PCBP3: variants seen among roughly 807,000 people sequenced by gnomAD.
The protein encoded by PCBP3 is poly(rC)-binding protein 3.
A neutral mutation model predicts 52.7 loss-of-function variants in PCBP3; 25 were observed. The ratio of observed to expected loss-of-function variants is 0.47; its 90% CI spans 0.35 to 0.66. PCBP3 has a LOEUF of 0.66. Among genes scored for constraint, PCBP3 ranks in the 30% least tolerant of loss-of-function variants. The pLI, the probability that PCBP3 is intolerant of heterozygous loss-of-function variation, is 0.01. For synonymous variants in PCBP3, 162 were observed against 183.0 expected, an observed-to-expected ratio of 0.89 and a Z score of 0.93; for missense variants, 391 against 490.3, an observed-to-expected ratio of 0.80 and a Z score of 1.91.
rs552645785 is a variant in PCBP3 at position 45,917,357 on chromosome 21, C to G, written c.676-231C>G. 1 of 404,456 alleles carries G rather than the reference C, an allele frequency of 2.5e-6. No individual in the cohort carries two copies. Among genetic ancestry groups the G allele is most frequent in the East Asian group, 4.3e-5 (1 of 23,186 alleles). 25.1% of individuals were successfully genotyped at this position (404,456 alleles called of 1,614,324 possible). On this transcript the variant is annotated intron_variant, in intron 12 of 17. Coordinates refer to ENST00000681687, the MANE Select transcript of PCBP3 (RefSeq NM_001384156.1). This position sits in a 1 kb window ranked among gnomAD's most constrained non-coding sequence, Gnocchi z 5.3. ...AAGGCTGAACTGTTTCCCTCCCACC[C>G]GCTGAACTGGCCAGCTCAGCTCTGC...
chr21:45,650,851 C>T (rs2079631048), intron 1 of PCBP3, among the ~76,000 whole-genome samples: 1 of 151,922 alleles, frequency 6.6e-6, no homozygotes, highest in Admixed American at 6.6e-5. Flanking sequence ...GGAAGGGTCG[C>T]TAGTCCATTC....
At chr21:45,913,919 G>C in intron 11 of PCBP3, 32 bp from the exon 12 acceptor site, 1 of 1,587,418 alleles carries the variant, frequency 6.3e-7, no homozygotes, top group Non-Finnish European at 8.6e-7. Context: ...CTGCTCTAAC[G>C]CTCTCTCTCC....
intron 4 of PCBP3, among the ~76,000 whole-genome samples, chr21:45,801,398 G>A (rs1228729342): frequency 1.3e-5 from 2 of 152,248 alleles, no homozygotes; most frequent in Non-Finnish European, 2.9e-5. Flanking sequence ...GGGCCCCTGG[G>A]TGCACAAGGA....
At chr21:45,764,120 T>TC (rs1491121075) in intron 4 of PCBP3, among the ~76,000 whole-genome samples, 230 of 121,654 alleles carry the variant, frequency 1.9e-3, no homozygotes, top group African/African-American at 5.7e-3. Flanking sequence ...TTTTTTTTTC[T>TC]TTTTTTTTTT....
At chr21:45,813,603 G>A (rs755425551) in intron 4 of PCBP3, among the ~76,000 whole-genome samples, 30 of 152,092 alleles carry the variant, frequency 2.0e-4, no homozygotes, top group Non-Finnish European at 3.4e-4. Flanking sequence ...CACAACGCCC[G>A]GCTATTTTTT....
chr21:45,771,538 G>A (rs571064221), intron 4 of PCBP3, among the ~76,000 whole-genome samples: 8 of 152,290 alleles, frequency 5.3e-5, no homozygotes, highest in African/African-American at 1.9e-4. Flanking sequence ...AGAATATGCA[G>A]TGAGATCATT....
At chr21:45,820,034 C>T (rs1473423356) in intron 4 of PCBP3, among the ~76,000 whole-genome samples, 1 of 152,262 alleles carries the variant, frequency 6.6e-6, no homozygotes, top group Admixed American at 6.5e-5. Context: ...GTTTGCTCTA[C>T]ACCGCAGGAC....
At position 45,791,330 on chromosome 21, in the gene PCBP3, G is replaced by A. The variant is rs2091546223; in HGVS notation, c.-126+35878G>A. On this transcript the variant is annotated intron_variant, in intron 4 of 17. Coordinates refer to ENST00000681687, the MANE Select transcript of PCBP3 (RefSeq NM_001384156.1). The surrounding 1 kb of genome is among the most constrained non-coding windows in gnomAD (Gnocchi z 4.2). ...GGAGCATGGCCAGCCCAGGGAGTGA[G>A]TGTGGTCACTGGTGTGTGTGGCCTG... is the stretch of plus-strand genomic sequence containing the variant. Among the ~76,000 whole-genome samples the A allele has an allele frequency of 6.6e-6, 1 of 152,222 alleles. No homozygotes were observed. The highest frequency in any genetic ancestry group is 2.1e-4 in the South Asian group (1 of 4,824).
chr21:45,893,697 G>A (rs1008975502), intron 5 of PCBP3: 165 of 963,766 alleles, frequency 1.7e-4, no homozygotes, highest in Non-Finnish European at 2.0e-4. Flanking sequence ...GGGCTAAAAT[G>A]TGCTAAATCT....
At chr21:45,896,703 C>G (rs1191210457) in intron 6 of PCBP3, among the ~76,000 whole-genome samples, 1 of 139,128 alleles carries the variant, frequency 7.2e-6, no homozygotes, top group African/African-American at 2.5e-5. Flanking sequence ...GGCCGCGGCA[C>G]ATAGAACCAG....
chr21:45,869,011 A>AT (rs1462224925), intron 5 of PCBP3, among the ~76,000 whole-genome samples: 1 of 152,150 alleles, frequency 6.6e-6, no homozygotes, highest in East Asian at 1.9e-4. Context: ...TATTTTATGG[A>AT]TTTTACCTGT....
intron 2 of PCBP3, among the ~76,000 whole-genome samples, chr21:45,670,080 G>T (rs1197558124): frequency 6.6e-6 from 1 of 151,720 alleles, no homozygotes; most frequent in Non-Finnish European, 1.5e-5. Context: ...ATTTCTACCA[G>T]CAATGCACAA....
At chr21:45,793,674 CAGG>C (rs1358203166) in intron 4 of PCBP3, among the ~76,000 whole-genome samples, 1 of 152,192 alleles carries the variant, frequency 6.6e-6, no homozygotes, top group African/African-American at 2.4e-5. Context: ...AGGGGCTCTG[CAGG>C]AGGAGACGGG....
intron 5 of PCBP3, among the ~76,000 whole-genome samples, chr21:45,887,716 CA>C (rs1028295947): frequency 1.3e-4 from 20 of 152,352 alleles, no homozygotes; most frequent in Admixed American, 6.5e-4. Flanking sequence ...GAGATTTCTG[CA>C]AACGTAATTT....
chr21:45,899,238 A>G (rs892413975), intron 6 of PCBP3, among the ~76,000 whole-genome samples: 3 of 152,138 alleles, frequency 2.0e-5, no homozygotes, highest in African/African-American at 7.2e-5. Flanking sequence ...AGGAGGCTTT[A>G]TTTTTCACAC....
At position 45,819,968 on chromosome 21, in the gene PCBP3, C is replaced by T. The variant is rs561912192; in HGVS notation, c.-125-29993C>T. Among the ~76,000 whole-genome samples the T allele has an allele frequency of 4.9e-4, 74 of 152,244 alleles. 1 individual carries two copies. The highest frequency in any genetic ancestry group is 9.1e-4 in the Non-Finnish European group (62 of 68,038). On this transcript the variant is annotated intron_variant, in intron 4 of 17. Transcript: ENST00000681687. The stretch of plus-strand genomic sequence containing the variant: ...CCAGGGCCTGGCCACTCACTCTGCC[C>T]ATCATGCTGTCACTCCAGGCAGTTA...
At chr21:45,863,452 C>T (rs911962144) in intron 5 of PCBP3, among the ~76,000 whole-genome samples, 9 of 152,198 alleles carry the variant, frequency 5.9e-5, no homozygotes, top group Admixed American at 3.3e-4. Flanking sequence ...CCTACAGGCT[C>T]GCCGGGCTGT....
At chr21:45,882,090 T>A (rs1376398253) in intron 5 of PCBP3, among the ~76,000 whole-genome samples, 1 of 152,158 alleles carries the variant, frequency 6.6e-6, no homozygotes, top group Non-Finnish European at 1.5e-5. Context: ...CTATTTCTAG[T>A]TTTTTGAGGA....
chr21:45,648,500 C>T (rs184988912), intron 1 of PCBP3, among the ~76,000 whole-genome samples: 6 of 152,332 alleles, frequency 3.9e-5, no homozygotes, highest in Middle Eastern at 3.4e-3. Context: ...TGCCGTGTCC[C>T]ACTGGGTCAT....
Sources: gnomAD v4.1 joint callset for allele counts (sites outside exome capture counted in the v4.1 genomes callset) on GRCh38, gnomAD v4.1.1 for gene constraint, Gnocchi (gnomAD v3.1) non-coding constraint, MANE v1.5 for transcripts, NCBI Gene and HGNC (gene_info 2026-07-23, HGNC 2026-07-21) for gene names.